Variants in PACSIN2 observed in about 807,000 individuals in gnomAD.
PACSIN2 encodes protein kinase C and casein kinase substrate in neurons protein 2.
A neutral mutation model predicts 63.8 loss-of-function variants in PACSIN2; 25 were observed. The ratio of observed to expected loss-of-function variants is 0.39; its 90% confidence interval spans 0.29 to 0.55. The LOEUF (loss-of-function observed/expected upper bound fraction) is 0.55. PACSIN2 is among the 20% of genes least tolerant of loss of function. The pLI is 0.62. For missense variants in PACSIN2, 518 were observed against 646.9 expected (o/e 0.80, Z 2.16); for synonymous variants, 255 against 256.2 (o/e 1.00, Z 0.05).
At chr22:42,979,300 G>C (rs1448313939) in intron 1 of PACSIN2, among the ~76,000 whole-genome samples, 1 of 152,110 alleles carries the variant, frequency 6.6e-6, no homozygotes, top group Non-Finnish European at 1.5e-5. Context: ...GAGGCAGGTG[G>C]ATCACCTAAG....
intron 1 of PACSIN2, among the ~76,000 whole-genome samples, chr22:42,992,001 A>ATT (rs1353087152): frequency 2.0e-5 from 3 of 152,228 alleles, no homozygotes; most frequent in African/African-American, 7.2e-5. Context: ...AAGCCGTAAA[A>ATT]GAACAAATTG....
intron 5 of PACSIN2, among the ~76,000 whole-genome samples, chr22:42,887,618 C>A (rs1336227048): frequency 6.6e-6 from 1 of 152,138 alleles, no homozygotes; most frequent in Non-Finnish European, 1.5e-5. Flanking sequence ...ATCACACCCC[C>A]CAGCCCTCAC....
intron 1 of PACSIN2, among the ~76,000 whole-genome samples, chr22:43,013,715 G>A (rs960661302): frequency 6.6e-6 from 1 of 152,212 alleles, no homozygotes; most frequent in Non-Finnish European, 1.5e-5. Context: ...AGGGAAGGAA[G>A]AAGGTGTGAG....
intron 1 of PACSIN2, among the ~76,000 whole-genome samples, chr22:42,915,979 G>A (rs1376606230): frequency 6.6e-6 from 1 of 152,222 alleles, no homozygotes; most frequent in Non-Finnish European, 1.5e-5. Context: ...CCTGCCCAAA[G>A]AGTCAGTGAC....
At chr22:43,009,431 G>T (rs985926918) in intron 1 of PACSIN2, among the ~76,000 whole-genome samples, 6 of 152,264 alleles carry the variant, frequency 3.9e-5, no homozygotes, top group South Asian at 2.1e-4. Context: ...TATCACAGGT[G>T]AGAGGGAGCT....
At position 42,988,886 on chromosome 22, in the gene PACSIN2, A is replaced by AT. The variant is rs58156104; in HGVS notation, c.-78+26134dup. ...CATGATCTGAAAGGTGGTCAAAGAA[A>AT]TTTTTTTTTTTGTTTTTGGGAGTGA... On this transcript the variant is annotated intron_variant, in intron 1 of 10. Transcript: ENST00000263246. 6.5e-3 allele frequency among the ~76,000 whole-genome samples: 988 copies of AT among 150,986 alleles called. 13 individuals carry two copies. Among genetic ancestry groups the AT allele is most frequent in the African/African-American group, 0.023 (953 of 41,202 alleles).
intron 1 of PACSIN2, among the ~76,000 whole-genome samples, chr22:42,923,553 G>A (rs896867005): frequency 5.3e-5 from 8 of 152,030 alleles, no homozygotes; most frequent in Non-Finnish European, 8.8e-5. Context: ...TCAGCCTCCC[G>A]AGTAGCTGGG....
chr22:42,927,176 A>T (rs1382652164), intron 1 of PACSIN2, among the ~76,000 whole-genome samples: 1 of 151,850 alleles, frequency 6.6e-6, no homozygotes, highest in Non-Finnish European at 1.5e-5. Context: ...TGCAGCCAAC[A>T]AGCCATCCTG....
At chr22:42,912,364 G>A (rs1337849759) in intron 1 of PACSIN2, among the ~76,000 whole-genome samples, 1 of 152,142 alleles carries the variant, frequency 6.6e-6, no homozygotes, top group Non-Finnish European at 1.5e-5. Context: ...GGTGGGTGAT[G>A]GGGGCGAGGG....
intron 1 of PACSIN2, among the ~76,000 whole-genome samples, chr22:42,972,779 C>G (rs1435699731): frequency 1.3e-5 from 2 of 152,060 alleles, no homozygotes; most frequent in Admixed American, 1.3e-4. Context: ...CCAGGCTGGA[C>G]TTCAACTCCT....
At chr22:42,944,745 T>C (rs1933333831) in intron 1 of PACSIN2, among the ~76,000 whole-genome samples, 2 of 152,098 alleles carry the variant, frequency 1.3e-5, no homozygotes, top group South Asian at 2.1e-4. Flanking sequence ...CCATCCGAAA[T>C]TGGGTATAAG....
At chr22:42,997,436 T>C (rs1298469722) in intron 1 of PACSIN2, among the ~76,000 whole-genome samples, 1 of 151,876 alleles carries the variant, frequency 6.6e-6, no homozygotes, top group African/African-American at 2.4e-5. Context: ...CAGGCGCCTG[T>C]AGTCCCAGCT....
intron 1 of PACSIN2, among the ~76,000 whole-genome samples, chr22:42,962,127 T>C (rs921221332): frequency 6.6e-6 from 1 of 150,742 alleles, no homozygotes; most frequent in African/African-American, 2.4e-5. Context: ...CCGTCTGTAC[T>C]AAAAAATACA....
chr22:42,928,797 T>C (rs913465772), intron 1 of PACSIN2, among the ~76,000 whole-genome samples: 3 of 152,218 alleles, frequency 2.0e-5, no homozygotes, highest in African/African-American at 7.2e-5. Context: ...AATTTCATTT[T>C]TGATAATTCT....
chr22:42,939,382 CT>C (rs1377363699), intron 1 of PACSIN2, among the ~76,000 whole-genome samples: 1 of 152,138 alleles, frequency 6.6e-6, no homozygotes, highest in Non-Finnish European at 1.5e-5. Flanking sequence ...AAAAATGACA[CT>C]TTTTCAAATT....
chr22:42,928,565 C>T (rs1932680500), intron 1 of PACSIN2, among the ~76,000 whole-genome samples: 1 of 152,130 alleles, frequency 6.6e-6, no homozygotes, highest in Admixed American at 6.5e-5. Flanking sequence ...CAGAGTGTTT[C>T]ACTGGGCCTG....
At chr22:42,882,910 G>C (rs1929187308) in intron 6 of PACSIN2, among the ~76,000 whole-genome samples, 1 of 152,132 alleles carries the variant, frequency 6.6e-6, no homozygotes, top group African/African-American at 2.4e-5. Context: ...CTTTCTCTGG[G>C]CCTCGGTTTC....
At chr22:42,981,831 C>T (rs1922176301) in intron 1 of PACSIN2, among the ~76,000 whole-genome samples, 1 of 121,468 alleles carries the variant, frequency 8.2e-6, no homozygotes, top group African/African-American at 3.2e-5. Flanking sequence ...GGTGGGGGGT[C>T]AGCCCCCCGC....
intron 1 of PACSIN2, among the ~76,000 whole-genome samples, chr22:42,998,694 G>A (rs920165853): frequency 9.9e-5 from 15 of 152,200 alleles, no homozygotes; most frequent in African/African-American, 3.6e-4. Flanking sequence ...GGTCCCTGGT[G>A]AGAGCCCCAC....
Sources: gnomAD v4.1 joint callset for allele counts (sites outside exome capture counted in the v4.1 genomes callset) on GRCh38, gnomAD v4.1.1 for gene constraint, MANE v1.5 for transcripts, NCBI Gene and HGNC (gene_info 2026-07-23, HGNC 2026-07-21) for gene names.